The following TAFA5 variants were observed in gnomAD, a reference collection of about 807,000 sequenced individuals.
The protein encoded by TAFA5 is chemokine-like protein TAFA-5.
TAFA5 carries 6 observed loss-of-function variants against 15.3 expected under a neutral mutation model. The observed-to-expected ratio is 0.39, with a 90% confidence interval of 0.21 to 0.77. TAFA5 has a LOEUF of 0.77. TAFA5 is among the 30% of genes least tolerant of loss of function. The pLI is 0.41. For missense variants in TAFA5, 161 were observed against 193.1 expected, an observed-to-expected ratio of 0.83 and a Z score of 0.98; for synonymous variants, 103 against 80.7, an observed-to-expected ratio of 1.28 and a Z score of -1.48.
At chr22:48,631,793 G>A (rs756810863) in intron 1 of TAFA5, among the ~76,000 whole-genome samples, 1 of 152,180 alleles carries the variant, frequency 6.6e-6, no homozygotes, top group Non-Finnish European at 1.5e-5. Flanking sequence ...GGAATGTAAA[G>A]GGTCTGCGTG....
intron 1 of TAFA5, among the ~76,000 whole-genome samples, chr22:48,523,403 G>A (rs1453549922): frequency 3.9e-5 from 6 of 152,268 alleles, no homozygotes; most frequent in Non-Finnish European, 7.3e-5. Context: ...GCCGGCTCGC[G>A]GCATTCCGCT....
Position 48,699,453 on chromosome 22 carries a change from G to A in TAFA5, c.263-8264G>A, listed in dbSNP as rs542574752. ...GCGTTTTGCAGGGCAGATGCTTCTC[G>A]GTGACAGGGCACTGGCAGTGAGCTC... On this transcript the variant is annotated intron_variant, in intron 2 of 3. Coordinates refer to ENST00000402357, the MANE Select transcript of TAFA5 (RefSeq NM_001082967.3). Among the ~76,000 whole-genome samples, 9 of 152,296 alleles carry A rather than the reference G, an allele frequency of 5.9e-5. No individual in the cohort carries two copies. In the East Asian group the frequency reaches 1.4e-3, roughly 23 times the overall value.
At chr22:48,690,383 C>T (rs879431702) in intron 2 of TAFA5, among the ~76,000 whole-genome samples, 3 of 152,054 alleles carry the variant, frequency 2.0e-5, no homozygotes, top group Non-Finnish European at 4.4e-5. Flanking sequence ...GACTGTGGCT[C>T]TTTGGGACGT....
At chr22:48,682,219 C>T (rs1051188360) in intron 2 of TAFA5, among the ~76,000 whole-genome samples, 2 of 152,166 alleles carry the variant, frequency 1.3e-5, no homozygotes, top group African/African-American at 4.8e-5. Flanking sequence ...CCAGCCCTGC[C>T]ACTCTCCAGC....
chr22:48,744,396 G>A (rs781363803), intron 3 of TAFA5, among the ~76,000 whole-genome samples: 6 of 152,184 alleles, frequency 3.9e-5, no homozygotes, highest in Non-Finnish European at 5.9e-5. Context: ...TTGGAGTCTC[G>A]TGAGATGAAG....
chr22:48,581,617 G>T (rs1261112452), intron 1 of TAFA5, among the ~76,000 whole-genome samples: 1 of 152,176 alleles, frequency 6.6e-6, no homozygotes, highest in Non-Finnish European at 1.5e-5. Flanking sequence ...GAGCCCCTGG[G>T]CCTGGAGAAG....
chr22:48,586,968 C>T (rs1358289490), intron 1 of TAFA5, among the ~76,000 whole-genome samples: 1 of 152,256 alleles, frequency 6.6e-6, no homozygotes, highest in South Asian at 2.1e-4. Context: ...TCAAGGCCTA[C>T]CCCACATGGG....
chr22:48,733,418 T>C (rs1008843840), intron 3 of TAFA5, among the ~76,000 whole-genome samples: 1 of 152,198 alleles, frequency 6.6e-6, no homozygotes, highest in African/African-American at 2.4e-5. Flanking sequence ...TCTTTTCAAA[T>C]GGAACCCTCA....
intron 1 of TAFA5, among the ~76,000 whole-genome samples, chr22:48,583,833 A>G (rs1924206254): frequency 1.4e-5 from 2 of 148,042 alleles, no homozygotes; most frequent in African/African-American, 4.9e-5. Context: ...CACTACATAT[A>G]TACACACGCC....
intron 1 of TAFA5, chr22:48,576,328 A>C: frequency 7.3e-6 from 7 of 964,040 alleles, no homozygotes; most frequent in African/African-American, 1.8e-5. Context: ...CGCCTCCCGG[A>C]GTGGCGCCTC....
At chr22:48,701,077 G>T (rs144221636) in intron 2 of TAFA5, among the ~76,000 whole-genome samples, 141 of 152,228 alleles carry the variant, frequency 9.3e-4, no homozygotes, top group Non-Finnish European at 1.5e-4. Context: ...TCATCCCTAG[G>T]GCCTGGTACA....
intron 1 of TAFA5, among the ~76,000 whole-genome samples, chr22:48,611,685 T>C (rs1307597841): frequency 6.6e-6 from 1 of 152,100 alleles, no homozygotes; most frequent in Non-Finnish European, 1.5e-5. Context: ...CCTCTCCTGG[T>C]AGAACTTTCT....
chr22:48,576,679 T>C, intron 1 of TAFA5: 1 of 1,190,050 alleles, frequency 8.4e-7, no homozygotes, highest in South Asian at 3.9e-5. Flanking sequence ...CGCGCTCGGC[T>C]GAGGCTCGTG....
At chr22:48,613,420 C>T (rs1029604956) in intron 1 of TAFA5, among the ~76,000 whole-genome samples, 3 of 152,100 alleles carry the variant, frequency 2.0e-5, no homozygotes, top group African/African-American at 7.2e-5. Flanking sequence ...CCCTGCGGGC[C>T]CTGCCGTCTC....
intron 2 of TAFA5, among the ~76,000 whole-genome samples, chr22:48,656,497 T>C (rs1392879328): frequency 5.3e-5 from 8 of 149,942 alleles, no homozygotes; most frequent in Admixed American, 4.7e-4. Context: ...AGAGCGAGAC[T>C]CCATCTCAAA....
intron 1 of TAFA5, among the ~76,000 whole-genome samples, chr22:48,562,169 G>A (rs899621569): frequency 3.3e-5 from 5 of 151,980 alleles, no homozygotes; most frequent in Non-Finnish European, 5.9e-5. Flanking sequence ...ATGGAGTCTC[G>A]CTCTGTCGCC....
intron 3 of TAFA5, among the ~76,000 whole-genome samples, chr22:48,714,194 C>T (rs560307879): frequency 6.6e-6 from 1 of 152,182 alleles, no homozygotes; most frequent in African/African-American, 2.4e-5. Context: ...TTAAAGAGGA[C>T]GAGACACTCA....
chr22:48,571,782 AG>A (rs530278761), intron 1 of TAFA5, among the ~76,000 whole-genome samples: 106 of 151,880 alleles, frequency 7.0e-4, no homozygotes, highest in African/African-American at 2.4e-3. Context: ...AATAAATGAA[AG>A]TTGGATGTTT....
intron 2 of TAFA5, among the ~76,000 whole-genome samples, chr22:48,697,345 G>GGTA (rs1432293185): frequency 2.4e-5 from 3 of 125,604 alleles, no homozygotes; most frequent in Non-Finnish European, 5.4e-5. Flanking sequence ...CAGTGGTGAT[G>GGTA]ATGATGATGA....
Sources: gnomAD v4.1 joint callset for allele counts (sites outside exome capture counted in the v4.1 genomes callset) on GRCh38, gnomAD v4.1.1 for gene constraint, MANE v1.5 for transcripts, NCBI Gene and HGNC (gene_info 2026-07-23, HGNC 2026-07-21) for gene names.